CLNK: variants seen among roughly 807,000 people sequenced by gnomAD.
CLNK encodes the protein cytokine dependent hematopoietic cell linker.
CLNK carries 74 observed loss-of-function variants against 68.6 expected under a neutral mutation model. The ratio of observed to expected loss-of-function variants is 1.08; its 90% CI spans 0.89 to 1.31. The LOEUF (loss-of-function observed/expected upper bound fraction) is 1.31, where lower values mean the gene tolerates loss of function less well. Among genes scored for constraint, CLNK ranks in the 50% most tolerant of loss-of-function variants. The probability of loss-of-function intolerance (pLI) is 0.00; values close to 1 mark genes in which losing one functional copy is unlikely to be tolerated. For missense variants in CLNK, 553 were observed against 515.3 expected (o/e 1.07, Z -0.71); for synonymous variants, 198 against 172.2 (o/e 1.15, Z -1.17).
At chr4:10,648,502 T>C (rs900134402) in intron 2 of CLNK, among the ~76,000 whole-genome samples, 26 of 152,332 alleles carry the variant, frequency 1.7e-4, no homozygotes, top group African/African-American at 6.3e-4. Context: ...TCTTCTCACA[T>C]AATCTCTTGT....
intron 2 of CLNK, among the ~76,000 whole-genome samples, chr4:10,605,483 A>G (rs900508201): frequency 3.9e-5 from 6 of 152,158 alleles, no homozygotes; most frequent in Non-Finnish European, 8.8e-5. Flanking sequence ...ATATATAAAG[A>G]TATCTAAAAA....
At chr4:10,733,809 A>T in the CLNK span, among the ~76,000 whole-genome samples, 1 of 152,220 alleles carries the variant, frequency 6.6e-6, no homozygotes, top group East Asian at 1.9e-4. Context: ...TAAGTGCTAG[A>T]GTTCTACAGA....
intron 18 of CLNK, among the ~76,000 whole-genome samples, chr4:10,499,042 A>C (rs1716927215): frequency 7.3e-6 from 1 of 137,916 alleles, no homozygotes; most frequent in Non-Finnish European, 1.5e-5. Context: ...GGCACGCCAC[A>C]GTACCAGGCA....
chr4:10,497,098 C>T (rs1324786798), intron 18 of CLNK, among the ~76,000 whole-genome samples: 1 of 152,124 alleles, frequency 6.6e-6, no homozygotes, highest in Admixed American at 6.5e-5. Flanking sequence ...CCAGAATTGC[C>T]GTTTACTAGC....
At chr4:10,725,858 A>T in the CLNK span, among the ~76,000 whole-genome samples, 41 of 151,966 alleles carry the variant, frequency 2.7e-4, no homozygotes, top group African/African-American at 9.6e-4. Flanking sequence ...CGTCTAAAAA[A>T]AAAAAAGAAA....
At chr4:10,645,415 A>G (rs986349575) in intron 2 of CLNK, among the ~76,000 whole-genome samples, 1 of 152,196 alleles carries the variant, frequency 6.6e-6, no homozygotes, top group African/African-American at 2.4e-5. Context: ...GAGATTCTAT[A>G]CTCATCCTGA....
intron 2 of CLNK, among the ~76,000 whole-genome samples, chr4:10,609,711 G>A (rs1313980935): frequency 1.3e-5 from 2 of 152,246 alleles, no homozygotes; most frequent in Non-Finnish European, 2.9e-5. Context: ...ACTGCCGATG[G>A]GTTGCAGGTG....
intron 3 of CLNK, among the ~76,000 whole-genome samples, chr4:10,589,695 G>A (rs1721115753): frequency 6.6e-6 from 1 of 152,168 alleles, no homozygotes; most frequent in African/African-American, 2.4e-5. Flanking sequence ...CCATAGTTTG[G>A]TCTAGATGGA....
intron 4 of CLNK, among the ~76,000 whole-genome samples, chr4:10,576,477 G>C (rs567132132): frequency 1.5e-3 from 228 of 152,284 alleles, no homozygotes; most frequent in Non-Finnish European, 2.3e-3. Flanking sequence ...ATGTCCCTTT[G>C]AAAGTTACTT....
intron 1 of CLNK, 87 bp from the exon 2 acceptor site, chr4:10,667,998 A>G: frequency 1.5e-6 from 1 of 649,072 alleles, no homozygotes; most frequent in Non-Finnish European, 2.6e-6. Flanking sequence ...GCTTGTTAAA[A>G]TCGGATACAG....
intron 15 of CLNK, among the ~76,000 whole-genome samples, chr4:10,519,403 A>C (rs1258795161): frequency 6.6e-6 from 1 of 152,188 alleles, no homozygotes; most frequent in Non-Finnish European, 1.5e-5. Flanking sequence ...AACCTCCATA[A>C]GTAAGACCTC....
chr4:10,698,791 T>C, the CLNK span, among the ~76,000 whole-genome samples: 1 of 152,216 alleles, frequency 6.6e-6, no homozygotes, highest in African/African-American at 2.4e-5. Flanking sequence ...TGGGGATTAC[T>C]GTGCAGGTGT....
At chr4:10,522,419 CA>C (rs1329404194) in intron 14 of CLNK, among the ~76,000 whole-genome samples, 1 of 148,790 alleles carries the variant, frequency 6.7e-6, no homozygotes, top group Non-Finnish European at 1.5e-5. Context: ...ACTAAAAATA[CA>C]AAAATCAGCT....
chr4:10,536,287 C>A (rs1426940466), intron 11 of CLNK, among the ~76,000 whole-genome samples: 4 of 152,212 alleles, frequency 2.6e-5, no homozygotes, highest in Admixed American at 2.6e-4. Flanking sequence ...CAGGCACTCT[C>A]CTGCATGGTT....
chr4:10,649,816 T>G (rs1164534026), intron 2 of CLNK, among the ~76,000 whole-genome samples: 2 of 152,046 alleles, frequency 1.3e-5, no homozygotes, highest in Non-Finnish European at 2.9e-5. Context: ...GGAGCACAAT[T>G]TCAACCCAGG....
intron 5 of CLNK, among the ~76,000 whole-genome samples, chr4:10,569,177 C>T (rs1720241403): frequency 6.7e-6 from 1 of 148,884 alleles, no homozygotes; most frequent in East Asian, 2.0e-4. Context: ...AGTGAATTGG[C>T]CAAGACTGCC....
intron 2 of CLNK, among the ~76,000 whole-genome samples, chr4:10,600,080 C>T (rs1721534244): frequency 6.6e-6 from 1 of 152,222 alleles, no homozygotes; most frequent in African/African-American, 2.4e-5. Context: ...ATTTCTGTTG[C>T]TCCTTTATTT....
intron 2 of CLNK, among the ~76,000 whole-genome samples, chr4:10,606,344 C>T (rs558101590): frequency 8.5e-5 from 13 of 152,252 alleles, no homozygotes; most frequent in South Asian, 4.1e-4. Flanking sequence ...GGCAATGACA[C>T]GCATGGAGTT....
At chr4:10,547,005 C>T (rs765474652) in intron 8 of CLNK, among the ~76,000 whole-genome samples, 2 of 152,110 alleles carry the variant, frequency 1.3e-5, no homozygotes, top group Non-Finnish European at 2.9e-5. Context: ...CATGACAATC[C>T]ATTCATCTAT....
Sources: allele counts gnomAD v4.1 joint callset (sites outside exome capture counted in the v4.1 genomes callset), GRCh38; gene constraint gnomAD v4.1.1; transcripts MANE v1.5; gene names NCBI Gene and HGNC (gene_info 2026-07-23, HGNC 2026-07-21).